SOX5: variants seen among roughly 807,000 people sequenced by gnomAD.
SOX5 encodes SRY-box transcription factor 5.
A neutral mutation model predicts 92.0 loss-of-function variants in SOX5; 9 were observed. That is an observed-to-expected ratio of 0.10 (90% CI 0.06 to 0.17). The LOEUF (loss-of-function observed/expected upper bound fraction) is 0.17. Among genes scored for constraint, SOX5 ranks in the 10% least tolerant of loss-of-function variants. The probability of loss-of-function intolerance (pLI) is 1.00; values close to 1 mark genes in which losing one functional copy is unlikely to be tolerated. For synonymous variants in SOX5, 344 were observed against 336.3 expected, an observed-to-expected ratio of 1.02 and a Z score of -0.25; for missense variants, 642 against 944.5, an observed-to-expected ratio of 0.68 and a Z score of 4.20.
rs1363436027 is a variant in SOX5 at position 24,105,085 on chromosome 12, A to G, written c.-2+108258T>C. Reference sequence around the variant, plus strand: ...TCATTTTGGTCCATCTGATAATGTCATTTATATCATTGGTAGCTGAAAACT... The same window carrying G: ...TCATTTTGGTCCATCTGATAATGTCGTTTATATCATTGGTAGCTGAAAACT... On this transcript the variant is annotated intron_variant, in intron 4 of 4. Coordinates refer to the SOX5 transcript ENST00000446891. 3.9e-5 allele frequency among the ~76,000 whole-genome samples: 6 copies of G among 152,306 alleles called. No homozygotes were observed. The East Asian group carries it at 1.2e-3, about 29-fold the overall frequency.
intron 3 of SOX5, among the ~76,000 whole-genome samples, chr12:24,231,286 T>G (rs756122771): frequency 1.3e-5 from 2 of 152,236 alleles, no homozygotes; most frequent in Non-Finnish European, 2.9e-5. Context: ...CACACATGTT[T>G]AGAATAATCA....
intron 1 of SOX5, among the ~76,000 whole-genome samples, chr12:24,410,433 T>C (rs747047085): frequency 3.9e-5 from 6 of 152,230 alleles, no homozygotes; most frequent in Non-Finnish European, 7.3e-5. Flanking sequence ...TAGTATAGTT[T>C]TGAGTTTTAC....
chr12:23,761,663 C>A (rs1044619754), intron 3 of SOX5, among the ~76,000 whole-genome samples: 43 of 152,106 alleles, frequency 2.8e-4, no homozygotes, highest in Non-Finnish European at 5.1e-4. Flanking sequence ...TCACATACTA[C>A]CACAAAGTTT....
chr12:23,857,713 G>C (rs1361298706), intron 2 of SOX5, among the ~76,000 whole-genome samples: 4 of 151,502 alleles, frequency 2.6e-5, no homozygotes, highest in Non-Finnish European at 4.4e-5. Flanking sequence ...CGATGACAGT[G>C]TACTTAGGAA....
intron 3 of SOX5, among the ~76,000 whole-genome samples, chr12:23,830,233 C>A (rs2096293567): frequency 6.6e-6 from 1 of 152,108 alleles, no homozygotes; most frequent in Non-Finnish European, 1.5e-5. Flanking sequence ...AGGGTGTCTT[C>A]TTGTCCTGAC....
chr12:23,925,665 TA>T (rs1939753491), intron 1 of SOX5, among the ~76,000 whole-genome samples: 1 of 152,088 alleles, frequency 6.6e-6, no homozygotes, highest in South Asian at 2.1e-4. Flanking sequence ...CTGAATATTC[TA>T]GGCCATAAAT....
intron 1 of SOX5, among the ~76,000 whole-genome samples, chr12:24,384,706 G>A (rs1330886253): frequency 2.0e-5 from 3 of 152,318 alleles, no homozygotes; most frequent in Non-Finnish European, 4.4e-5. Context: ...TAGTTAAGAC[G>A]AAAAAGGCTA....
chr12:24,189,135 C>CAGT (rs1449057336), intron 4 of SOX5, among the ~76,000 whole-genome samples: 1 of 152,128 alleles, frequency 6.6e-6, no homozygotes, highest in Non-Finnish European at 1.5e-5. Flanking sequence ...GAAACTTCCT[C>CAGT]AGTAGTCAGG....
chr12:24,122,595 T>A (rs747160285), intron 4 of SOX5, among the ~76,000 whole-genome samples: 1 of 152,194 alleles, frequency 6.6e-6, no homozygotes, highest in Non-Finnish European at 1.5e-5. Context: ...GAATGTTTAA[T>A]CTATATCCTG....
chr12:24,263,270 G>T (rs917005647), intron 3 of SOX5, among the ~76,000 whole-genome samples: 1 of 151,972 alleles, frequency 6.6e-6, no homozygotes, highest in Admixed American at 6.6e-5. Flanking sequence ...GCTCACACCT[G>T]TAATCCCAGC....
intron 3 of SOX5, among the ~76,000 whole-genome samples, chr12:23,837,390 GAT>G (rs2096443696): frequency 3.3e-4 from 1 of 3,048 alleles, no homozygotes; most frequent in Non-Finnish European, 4.6e-4. Context: ...TAATATATAA[GAT>G]ATATTTATAT....
intron 4 of SOX5, among the ~76,000 whole-genome samples, chr12:23,997,666 A>T (rs940588455): frequency 1.3e-5 from 2 of 152,216 alleles, no homozygotes; most frequent in African/African-American, 4.8e-5. Context: ...TGAACTTTCA[A>T]TGTGTTTCTC....
At chr12:24,297,484 G>C (rs188223790) in intron 2 of SOX5, among the ~76,000 whole-genome samples, 82 of 152,308 alleles carry the variant, frequency 5.4e-4, no homozygotes, top group African/African-American at 1.9e-3. Context: ...TGGTCCACGA[G>C]CTAAATTAAT....
At chr12:23,724,443 C>T (rs760756381) in intron 6 of SOX5, among the ~76,000 whole-genome samples, 17 of 152,052 alleles carry the variant, frequency 1.1e-4, no homozygotes, top group Non-Finnish European at 1.9e-4. Flanking sequence ...CAGTACAGTA[C>T]AAAGAGATCA....
chr12:23,853,253 C>G (rs2096652589), intron 2 of SOX5, among the ~76,000 whole-genome samples: 1 of 151,046 alleles, frequency 6.6e-6, no homozygotes, highest in South Asian at 2.1e-4. Context: ...TAGGAAATCT[C>G]AGATTTCCTA....
In SOX5 at chr12:24,517,703, G is replaced by GT. The variant is rs56402961; in HGVS notation, c.-251+44625dup. ...TCAAAGAAAACATAATTAATTCCAT[G>GT]TTTTTTTTTTTTTTTTAACAATCCT... On this transcript the variant is annotated intron_variant, in intron 1 of 4. Coordinates refer to the SOX5 transcript ENST00000446891. 1.3e-4 allele frequency among the ~76,000 whole-genome samples: 19 copies of GT among 140,816 alleles called. 1 individual carries two copies. Among genetic ancestry groups the GT allele is most frequent in the African/African-American group, 4.8e-4 (19 of 39,330 alleles). The allele number at this position is 140,816 out of a possible 152,430, so 92.4% of individuals were successfully genotyped here.
chr12:23,843,663 A>T (rs1434567946), intron 3 of SOX5, among the ~76,000 whole-genome samples: 1 of 138,208 alleles, frequency 7.2e-6, no homozygotes, highest in Non-Finnish European at 1.5e-5. Context: ...TCCCAGATTC[A>T]AGCTATTGTC....
chr12:24,398,229 T>C (rs1960568929), intron 1 of SOX5, among the ~76,000 whole-genome samples: 1 of 152,202 alleles, frequency 6.6e-6, no homozygotes, highest in Admixed American at 6.5e-5. Flanking sequence ...TTAGGCCAGA[T>C]GCAGTGGCTC....
chr12:24,173,286 C>T (rs1359839679), intron 4 of SOX5, among the ~76,000 whole-genome samples: 4 of 152,232 alleles, frequency 2.6e-5, no homozygotes, highest in African/African-American at 9.6e-5. Context: ...CTCATGACCC[C>T]GAACAAATCA....
Sources: allele counts gnomAD v4.1 joint callset (sites outside exome capture counted in the v4.1 genomes callset), GRCh38; gene constraint gnomAD v4.1.1; transcripts MANE v1.5; gene names NCBI Gene and HGNC (gene_info 2026-07-23, HGNC 2026-07-21).